The following BRINP1 variants were observed in gnomAD, a reference collection of about 807,000 sequenced individuals.
BRINP1 encodes BMP/retinoic acid inducible neural specific 1.
BRINP1 carries 17 observed loss-of-function variants against 72.9 expected under a neutral mutation model. That is an observed-to-expected ratio of 0.23 (90% CI 0.16 to 0.35). BRINP1 has a LOEUF of 0.35. Among genes scored for constraint, BRINP1 ranks in the 10% least tolerant of loss-of-function variants. The pLI is 1.00. For missense variants in BRINP1, 850 were observed against 1,001.6 expected (o/e 0.85, Z 2.04); for synonymous variants, 418 against 378.5 (o/e 1.10, Z -1.21).
chr9:119,292,980 C>G (rs1188034395), intron 2 of BRINP1, among the ~76,000 whole-genome samples: 1 of 152,160 alleles, frequency 6.6e-6, no homozygotes, highest in East Asian at 1.9e-4. Flanking sequence ...TCCACAAAGA[C>G]CTGTTGAATG....
intron 2 of BRINP1, among the ~76,000 whole-genome samples, chr9:119,294,817 C>T (rs143877490): frequency 1.7e-3 from 254 of 148,418 alleles, no homozygotes; most frequent in African/African-American, 6.1e-3. Flanking sequence ...GATCACACCA[C>T]TGCACTCTAG....
chr9:119,286,446 G>A (rs917185301), intron 2 of BRINP1, among the ~76,000 whole-genome samples: 6 of 152,248 alleles, frequency 3.9e-5, no homozygotes, highest in African/African-American at 1.4e-4. Flanking sequence ...ATGTTAGCCA[G>A]GATGGTCTCC....
chr9:119,363,804 T>C (rs1268617374), intron 1 of BRINP1, among the ~76,000 whole-genome samples: 1 of 152,152 alleles, frequency 6.6e-6, no homozygotes, highest in Non-Finnish European at 1.5e-5. Context: ...TAAATAAAAT[T>C]AAATATTCAG....
chr9:119,250,892 C>T (rs1161665565), intron 2 of BRINP1, among the ~76,000 whole-genome samples: 1 of 152,116 alleles, frequency 6.6e-6, no homozygotes, highest in Non-Finnish European at 1.5e-5. Flanking sequence ...ATGAAAAGGT[C>T]TCTCTCTCCT....
intron 1 of BRINP1, among the ~76,000 whole-genome samples, chr9:119,318,844 G>GGGTGTGTGT (rs111313745): frequency 7.2e-4 from 102 of 142,232 alleles, no homozygotes; most frequent in African/African-American, 1.7e-3. Context: ...AAATGTGTGG[G>GGGTGTGTGT]GTGTGTGTGT....
intron 2 of BRINP1, among the ~76,000 whole-genome samples, chr9:119,268,104 G>A (rs1043847645): frequency 3.3e-5 from 5 of 152,070 alleles, no homozygotes; most frequent in Non-Finnish European, 5.9e-5. Flanking sequence ...TTAGCTAGGC[G>A]TGGTGGCACA....
At chr9:119,344,637 C>G (rs965773655) in intron 1 of BRINP1, among the ~76,000 whole-genome samples, 3 of 152,204 alleles carry the variant, frequency 2.0e-5, no homozygotes, top group African/African-American at 7.2e-5. Flanking sequence ...CCAAGATGCT[C>G]TAGTTAAAAT....
chr9:119,201,740 G>T (rs533118574), intron 7 of BRINP1, among the ~76,000 whole-genome samples: 1 of 152,258 alleles, frequency 6.6e-6, no homozygotes. Flanking sequence ...GAGGACCAAC[G>T]CACAGTTGCT....
At chr9:119,214,538 CCCTAT>C (rs1190957289) in intron 5 of BRINP1, among the ~76,000 whole-genome samples, 1 of 151,340 alleles carries the variant, frequency 6.6e-6, no homozygotes, top group Non-Finnish European at 1.5e-5. Context: ...TTTATATAAA[CCCTAT>C]TTATGAAACA....
intron 7 of BRINP1, among the ~76,000 whole-genome samples, chr9:119,178,272 C>T (rs1365664057): frequency 6.6e-6 from 1 of 152,160 alleles, no homozygotes; most frequent in East Asian, 1.9e-4. Context: ...GTCCATTCTC[C>T]TCCCTTTCTA....
At chr9:119,301,835 C>T (rs1385746640) in intron 2 of BRINP1, among the ~76,000 whole-genome samples, 1 of 152,166 alleles carries the variant, frequency 6.6e-6, no homozygotes, top group Admixed American at 6.5e-5. Context: ...AAATATGTAT[C>T]TCAAACATCA....
intron 1 of BRINP1, among the ~76,000 whole-genome samples, chr9:119,323,320 C>T (rs1006916039): frequency 2.2e-4 from 34 of 152,136 alleles, no homozygotes; most frequent in Admixed American, 5.2e-4. Context: ...AGGCTGAAAC[C>T]CAGCAGCAGA....
intron 1 of BRINP1, among the ~76,000 whole-genome samples, chr9:119,353,249 G>C (rs1379292760): frequency 6.6e-6 from 1 of 152,052 alleles, no homozygotes; most frequent in Non-Finnish European, 1.5e-5. Flanking sequence ...AAATCATTGT[G>C]GTGCTCTTCC....
chr9:119,369,432 G>A lies in BRINP1; in HGVS notation c.-427C>T. 5.1e-6 allele frequency: 2 copies of A among 393,762 alleles called. No individual in the cohort carries two copies. Among genetic ancestry groups the A allele is most frequent in the Non-Finnish European group, 8.9e-6 (2 of 223,468 alleles). The allele number at this position is 393,762 out of a possible 1,614,324, so 24.4% of individuals were successfully genotyped here. On this transcript the variant is annotated 5_prime_UTR_variant, in exon 1 of 8. Coordinates refer to ENST00000265922, the MANE Select transcript of BRINP1 (RefSeq NM_014618.3). ...GGGGTCCGGGAGCGAGGCGGCTGGCGAATGGAGAGGGAAGTCCAAGTGCGC... is the reference window on the plus strand; with the variant it reads ...GGGGTCCGGGAGCGAGGCGGCTGGCAAATGGAGAGGGAAGTCCAAGTGCGC...
intron 2 of BRINP1, among the ~76,000 whole-genome samples, chr9:119,251,174 G>A (rs1490931443): frequency 6.6e-6 from 1 of 152,128 alleles, no homozygotes. Flanking sequence ...GTTGTTGCAG[G>A]TACTTAAGTC....
chr9:119,236,297 T>C (rs970564925), intron 5 of BRINP1, among the ~76,000 whole-genome samples: 2 of 152,166 alleles, frequency 1.3e-5, no homozygotes, highest in Non-Finnish European at 2.9e-5. Flanking sequence ...ACCCTTTCCA[T>C]TCACAGCATC....
intron 1 of BRINP1, among the ~76,000 whole-genome samples, chr9:119,331,303 G>C (rs1317097924): frequency 2.0e-5 from 3 of 152,206 alleles, no homozygotes; most frequent in African/African-American, 4.8e-5. Context: ...CTTGTTCTAA[G>C]ATGAGACTAG....
chr9:119,366,502 CCGTGTGTG>C (rs1295980783), intron 1 of BRINP1, among the ~76,000 whole-genome samples: 1 of 129,968 alleles, frequency 7.7e-6, no homozygotes, highest in Non-Finnish European at 1.6e-5. Flanking sequence ...CCCCCCACCA[CCGTGTGTG>C]TGTGTGTGTG....
chr9:119,334,427 C>T (rs1043497489), intron 1 of BRINP1, among the ~76,000 whole-genome samples: 4 of 152,202 alleles, frequency 2.6e-5, no homozygotes, highest in African/African-American at 9.7e-5. Flanking sequence ...ATTACCCAAG[C>T]AAGCTCTCAT....
Sources: allele counts gnomAD v4.1 joint callset (sites outside exome capture counted in the v4.1 genomes callset), GRCh38; gene constraint gnomAD v4.1.1; transcripts MANE v1.5; gene names NCBI Gene and HGNC (gene_info 2026-07-23, HGNC 2026-07-21).